ADCY5: variants seen among roughly 807,000 people sequenced by gnomAD.
ADCY5 encodes the protein adenylate cyclase type 5.
A neutral mutation model predicts 119.7 loss-of-function variants in ADCY5; 30 were observed. That is an observed-to-expected ratio of 0.25 (90% CI 0.19 to 0.34). ADCY5 has a LOEUF of 0.34. ADCY5 is among the 10% of genes least tolerant of loss of function. The probability of loss-of-function intolerance (pLI) is 1.00; values close to 1 mark genes in which losing one functional copy is unlikely to be tolerated. For missense variants in ADCY5, 1,324 were observed against 1,775.2 expected, an observed-to-expected ratio of 0.75 and a Z score of 4.57; for synonymous variants, 753 against 762.2, an observed-to-expected ratio of 0.99 and a Z score of 0.20.
In ADCY5 at chr3:123,327,824, T is replaced by C. The variant is rs187865300; in HGVS notation, c.1806-65A>G. The C allele has an allele frequency of 1.8e-3, 2,837 of 1,575,468 alleles. 33 individuals carry two copies. The African/African-American group carries it at 0.018, about 10-fold the overall frequency. ...CTCAAAGTCATAATGTCAGCCCCCG[T>C]GAAAAACCAAACTGCAATTAGTGGG... On this transcript the variant is annotated intron_variant, in intron 6 of 20. Coordinates refer to ENST00000462833, the MANE Select transcript of ADCY5 (RefSeq NM_183357.3).
chr3:123,319,851 C>T, intron 9 of ADCY5, 33 bp from the exon 10 acceptor site: 3 of 1,606,296 alleles, frequency 1.9e-6, no homozygotes, highest in East Asian at 2.2e-5. Flanking sequence ...GTGAGACAGG[C>T]TGACCACAGG....
chr3:123,310,500 G>A (rs913430334), intron 12 of ADCY5, among the ~76,000 whole-genome samples: 11 of 152,280 alleles, frequency 7.2e-5, no homozygotes, highest in East Asian at 3.9e-4. Flanking sequence ...GTTATCACTC[G>A]GAATTCCAGC....
At chr3:123,436,986 A>C (rs1327484240) in intron 1 of ADCY5, among the ~76,000 whole-genome samples, 2 of 152,122 alleles carry the variant, frequency 1.3e-5, no homozygotes, top group African/African-American at 4.8e-5. Context: ...TTCTCCTAGA[A>C]AAAGCCCCTG....
At chr3:123,296,277 ACCCCAC>A in intron 16 of ADCY5, 61 bp from the exon 17 acceptor site, 2 of 1,561,560 alleles carry the variant, frequency 1.3e-6, no homozygotes, top group Non-Finnish European at 1.7e-6. Flanking sequence ...GGCTCTGAGG[ACCCCAC>A]CCCCACCCAC....
At chr3:123,388,463 G>A (rs1292595525) in intron 1 of ADCY5, among the ~76,000 whole-genome samples, 5 of 152,118 alleles carry the variant, frequency 3.3e-5, no homozygotes, top group Non-Finnish European at 7.4e-5. Flanking sequence ...GATGAGTGAG[G>A]GGTACACATG....
In ADCY5 at chr3:123,290,900, T is replaced by C. The variant is rs192354108; in HGVS notation, c.3327+213A>G. 4.3e-3 allele frequency among the ~76,000 whole-genome samples: 653 copies of C among 152,330 alleles called. 17 individuals are homozygous for C. Among genetic ancestry groups the C allele is most frequent in the Non-Finnish European group, 1.8e-3 (121 of 68,018 alleles). ...TTGAGTTCTGTGGGCCTCAGTTTCC[T>C]CATCTGTCACATGATGATGAGAGAG... On this transcript the variant is annotated intron_variant, in intron 18 of 20. Coordinates refer to ENST00000462833, the MANE Select transcript of ADCY5 (RefSeq NM_183357.3).
rs779495007 is a variant in ADCY5, at chr3:123,303,882, AG to A, written c.2559+184del. 0.091 allele frequency among the ~76,000 whole-genome samples: 9,881 copies of A among 108,206 alleles called. 445 individuals are homozygous for A. The highest frequency in any genetic ancestry group is 0.33 in the East Asian group (510 of 1,562). 71.0% of individuals were successfully genotyped at this position (108,206 alleles called of 152,430 possible). A position where few individuals can be genotyped will look rare whatever the true frequency, so the allele number is the denominator to read the frequency against. On this transcript the variant is annotated intron_variant, in intron 13 of 20. Transcript: ENST00000462833. ...AGAAGAGAAGAGAAGAGAAGAGAAG[AG>A]AAGAGAAGAGAAGAAAGAACTTGTG...
At chr3:123,287,467 G>C (rs923345213) in intron 19 of ADCY5, among the ~76,000 whole-genome samples, 2 of 152,160 alleles carry the variant, frequency 1.3e-5, no homozygotes, top group African/African-American at 4.8e-5. Context: ...ATGTTCCCTA[G>C]ACATTTCCTG....
At chr3:123,295,221 C>T (rs1405028597) in intron 17 of ADCY5, among the ~76,000 whole-genome samples, 4 of 152,236 alleles carry the variant, frequency 2.6e-5, no homozygotes, top group Admixed American at 2.6e-4. Flanking sequence ...ATCCTGATGC[C>T]TCTAAGAAGT....
intron 1 of ADCY5, among the ~76,000 whole-genome samples, chr3:123,384,262 T>G (rs1008716670): frequency 2.6e-5 from 4 of 152,206 alleles, no homozygotes; most frequent in Non-Finnish European, 5.9e-5. Context: ...TGCTGTCCCC[T>G]CTGACAACAG....
chr3:123,297,960 ATATGGC>A (rs1939622456), intron 15 of ADCY5, among the ~76,000 whole-genome samples: 1 of 152,264 alleles, frequency 6.6e-6, no homozygotes. Flanking sequence ...TGCCTTTTTA[ATATGGC>A]TATAAGAAAA....
intron 8 of ADCY5, among the ~76,000 whole-genome samples, chr3:123,322,602 G>C (rs1941280283): frequency 6.6e-6 from 1 of 152,198 alleles, no homozygotes; most frequent in Admixed American, 6.5e-5. Context: ...ACAGTTCTAG[G>C]ACAGCGGCTA....
chr3:123,285,757 A>C (rs1007497406), intron 20 of ADCY5, among the ~76,000 whole-genome samples: 2 of 152,142 alleles, frequency 1.3e-5, no homozygotes, highest in African/African-American at 4.8e-5. Flanking sequence ...CCTTGCTCCT[A>C]TCTCTAGGCC....
At position 123,367,919 on chromosome 3, in the gene ADCY5, G is replaced by A. The variant is rs372435569; in HGVS notation, c.1135-15338C>T. ...GCTTACCTTACCTCCAACTGAGTGC[G>A]GAACCTAGATGGGGCCATGTCTTCC... On this transcript the variant is annotated intron_variant, in intron 1 of 20. Coordinates refer to ENST00000462833, the MANE Select transcript of ADCY5 (RefSeq NM_183357.3). The A allele has an allele frequency of 3.7e-4, 565 of 1,535,864 alleles. 3 individuals carry two copies. The highest frequency in any genetic ancestry group is 3.3e-3 in the East Asian group (133 of 40,912).
At position 123,447,583 on chromosome 3, in the gene ADCY5, C is replaced by T. The variant is rs150947472; in HGVS notation, c.963G>A (p.Gln321=). The change falls in exon 1 of 21, where the codon CAG becomes CAA. Residue 321 remains glutamine, a synonymous_variant. Coordinates refer to ENST00000462833, the MANE Select transcript of ADCY5 (RefSeq NM_183357.3). ...AGATGCCCTCAGAGGCGCTGCGTGG[C>T]TGCGGCAGCAGCAGGCCCACCACCT... is the stretch of plus-strand genomic sequence containing the variant. The part of the protein sequence containing the change: ...AVQVVGLLLP[Q]PRSASEGIWW... 743 of 1,608,054 alleles carry T rather than the reference C, an allele frequency of 4.6e-4. 3 individuals carry two copies. The Middle Eastern group carries it at 6.1e-3, about 13-fold the overall frequency.
chr3:123,359,131 G>T (rs180951687), intron 1 of ADCY5, among the ~76,000 whole-genome samples: 1 of 151,376 alleles, frequency 6.6e-6, no homozygotes, highest in South Asian at 2.1e-4. Flanking sequence ...CCTGTTCCCG[G>T]TAAGTCAGCT....
chr3:123,381,461 C>T (rs1475800791), intron 1 of ADCY5, among the ~76,000 whole-genome samples: 2 of 152,230 alleles, frequency 1.3e-5, no homozygotes, highest in African/African-American at 4.8e-5. Context: ...TCTACACTTG[C>T]ACGACATTGA....
chr3:123,447,809 A>G lies in ADCY5; in HGVS notation c.737T>C (p.Met246Thr). Residue 246 changes from methionine to threonine, a missense_variant, in exon 1 of 21, where the codon ATG (methionine) becomes ACG (threonine). Transcript: ENST00000462833. ...RLNQSSLTML[M>T]AVLVLVCLVM... Reference sequence around the variant, plus strand: ...CAGGCACACGAGCACCAGCACGGCCATGAGCATGGTGAGGCTGCTCTGGTT... The same window carrying G: ...CAGGCACACGAGCACCAGCACGGCCGTGAGCATGGTGAGGCTGCTCTGGTT... 6.2e-7 allele frequency: 1 copy of G among 1,612,724 alleles called. No homozygotes were observed. Among genetic ancestry groups the G allele is most frequent in the Middle Eastern group, 1.7e-4 (1 of 6,060 alleles).
rs368452628 is a variant in ADCY5, at chr3:123,403,565, A to G, written c.1134+43847T>C. ...GGCTAAGAGGAAAAACTCAGGGAGCATTGTTGAGTGAACAAGTGAGGTGCG... is the reference window on the plus strand; with the variant it reads ...GGCTAAGAGGAAAAACTCAGGGAGCGTTGTTGAGTGAACAAGTGAGGTGCG... On this transcript the variant is annotated intron_variant, in intron 1 of 20. Coordinates refer to ENST00000462833, the MANE Select transcript of ADCY5 (RefSeq NM_183357.3). 6.6e-5 allele frequency among the ~76,000 whole-genome samples: 10 copies of G among 152,256 alleles called. No homozygotes were observed. In the East Asian group the frequency reaches 1.2e-3, roughly 18 times the overall value.
Sources: allele counts gnomAD v4.1 joint callset (sites outside exome capture counted in the v4.1 genomes callset), GRCh38; gene constraint gnomAD v4.1.1; transcripts MANE v1.5; gene names NCBI Gene and HGNC (gene_info 2026-07-23, HGNC 2026-07-21).